The following TAF2 variants were observed in gnomAD, a reference collection of about 807,000 sequenced individuals.
TAF2 encodes transcription initiation factor TFIID subunit 2.
TAF2 carries 61 observed loss-of-function variants against 138.5 expected under a neutral mutation model. The ratio of observed to expected loss-of-function variants is 0.44; its 90% CI spans 0.36 to 0.54. The LOEUF is 0.54. Among genes scored for constraint, TAF2 ranks in the 20% least tolerant of loss-of-function variants. The pLI, the probability that TAF2 is intolerant of heterozygous loss-of-function variation, is 0.00. For missense variants in TAF2, 1,090 were observed against 1,427.9 expected (o/e 0.76, Z 3.81); for synonymous variants, 475 against 469.9 (o/e 1.01, Z -0.14).
chr8:119,809,523 T>A (rs921772223), intron 3 of TAF2, among the ~76,000 whole-genome samples: 1 of 152,232 alleles, frequency 6.6e-6, no homozygotes, highest in Non-Finnish European at 1.5e-5. Context: ...CTTAGCTAAC[T>A]GGGGCCAAGA....
chr8:119,791,801 A>C (rs1382570915), intron 10 of TAF2: 1 of 173,816 alleles, frequency 5.8e-6, no homozygotes, highest in East Asian at 1.5e-4. Flanking sequence ...AATATATTAA[A>C]GATTGATTAT....
At chr8:119,762,896 C>G (rs994147070) in intron 18 of TAF2, 2 of 223,282 alleles carry the variant, frequency 9.0e-6, no homozygotes, top group Admixed American at 5.3e-5. Context: ...GCCAGAGAAA[C>G]AGAAAAGAGA....
At position 119,731,557 on chromosome 8, in the gene TAF2, C is replaced by G. The variant is rs1398989915; in HGVS notation, c.*367G>C. On this transcript the variant is annotated 3_prime_UTR_variant, in exon 26 of 26. Coordinates refer to ENST00000378164, the MANE Select transcript of TAF2 (RefSeq NM_003184.4). ...TGCTTCTGTGTAAATCATAACTTTG[C>G]CCCATAACATCCACCAAAGGCTTTC... 2 of 273,872 alleles carry G rather than the reference C, an allele frequency of 7.3e-6. No homozygotes were observed. The highest frequency in any genetic ancestry group is 1.4e-5 in the Non-Finnish European group (2 of 140,922). 17.0% of individuals were successfully genotyped at this position (273,872 alleles called of 1,614,324 possible).
intron 2 of TAF2, among the ~76,000 whole-genome samples, chr8:119,828,359 G>C (rs765146507): frequency 6.6e-6 from 1 of 152,178 alleles, no homozygotes; most frequent in Non-Finnish European, 1.5e-5. Flanking sequence ...AGCAGAGAAA[G>C]GGGTCCTGTT....
intron 23 of TAF2, 80 bp downstream of exon 23, chr8:119,746,625 C>T (rs1819993358): frequency 6.3e-6 from 9 of 1,437,420 alleles, no homozygotes; most frequent in South Asian, 1.1e-5. Context: ...ATAAAATTCA[C>T]TAGTTCACAG....
In TAF2 at chr8:119,731,895, A is replaced by G. The variant is rs561617500; in HGVS notation, c.*29T>C. On this transcript the variant is annotated 3_prime_UTR_variant, in exon 26 of 26. Coordinates refer to ENST00000378164, the MANE Select transcript of TAF2 (RefSeq NM_003184.4). ...TTTAGTTACATACATTCTTCTGGAC[A>G]TGAAAGGAAAGGTCTTTTTGTCCCC... 8.7e-5 allele frequency: 139 copies of G among 1,603,078 alleles called. No individual in the cohort carries two copies. In the East Asian group the frequency reaches 2.7e-3, roughly 31 times the overall value.
chr8:119,788,761 T>C, intron 13 of TAF2, 29 bp downstream of exon 13: 1 of 1,507,776 alleles, frequency 6.6e-7, no homozygotes, highest in Non-Finnish European at 9.2e-7. Context: ...GAGATAGCAG[T>C]ACAAAGGCGA....
intron 16 of TAF2, among the ~76,000 whole-genome samples, chr8:119,782,853 T>G (rs372334305): frequency 1.4e-4 from 21 of 152,270 alleles, no homozygotes; most frequent in African/African-American, 2.9e-4. Flanking sequence ...AATCAATCAA[T>G]CAAGCACAGT....
intron 16 of TAF2, 31 bp downstream of exon 16, chr8:119,783,350 G>A: frequency 6.2e-7 from 1 of 1,609,110 alleles, no homozygotes; most frequent in South Asian, 1.1e-5. Context: ...ATATACAATA[G>A]TCATTTCCTT....
At chr8:119,791,025 C>T (rs1003496875) in intron 11 of TAF2, among the ~76,000 whole-genome samples, 1 of 151,898 alleles carries the variant, frequency 6.6e-6, no homozygotes, top group Non-Finnish European at 1.5e-5. Context: ...GGTCTCGAAC[C>T]CCTGGCCTCA....
intron 2 of TAF2, among the ~76,000 whole-genome samples, chr8:119,820,526 T>C (rs1428767803): frequency 6.6e-6 from 1 of 152,096 alleles, no homozygotes; most frequent in Non-Finnish European, 1.5e-5. Flanking sequence ...TACTGTACAG[T>C]ATTAAAAAGT....
At chr8:119,764,525 T>G (rs1821296147) in intron 18 of TAF2, among the ~76,000 whole-genome samples, 1 of 152,300 alleles carries the variant, frequency 6.6e-6, no homozygotes, top group East Asian at 1.9e-4. Flanking sequence ...AACATGGTAA[T>G]ACTAAAAACA....
intron 25 of TAF2, among the ~76,000 whole-genome samples, chr8:119,732,569 C>T (rs1192379184): frequency 1.3e-5 from 2 of 152,076 alleles, no homozygotes; most frequent in Non-Finnish European, 2.9e-5. Flanking sequence ...TTTGGGAGGC[C>T]AAGGCGGGTA....
At chr8:119,792,417 C>G (rs1484189276) in intron 10 of TAF2, among the ~76,000 whole-genome samples, 1 of 152,110 alleles carries the variant, frequency 6.6e-6, no homozygotes, top group Non-Finnish European at 1.5e-5. Flanking sequence ...TCCCAAAGTG[C>G]TGGGATTACA....
Position 119,744,380 on chromosome 8 carries a change from T to G in TAF2, c.3122A>C (p.Gln1041Pro). 6.2e-7 allele frequency: 1 copy of G among 1,613,414 alleles called. No homozygotes were observed. Among genetic ancestry groups the G allele is most frequent in the South Asian group, 1.1e-5 (1 of 91,068 alleles). Residue 1041 changes from glutamine (Q) to proline (P), a missense_variant, in exon 24 of 26, where the codon CAA becomes CCA. Gln to Pro is a moderately conservative substitution (Grantham distance 76, BLOSUM62 -1). Transcript: ENST00000378164. ...ATCCATATCAATCTCCTCCTCATCT[T>G]GAGAACTGGAAAACTAAAACACACA... ...VGFQNPFSSS[Q>P]DEEEIDMDTV...
chr8:119,745,321 T>C (rs1331078083), intron 23 of TAF2, among the ~76,000 whole-genome samples: 1 of 138,822 alleles, frequency 7.2e-6, no homozygotes, highest in Admixed American at 8.4e-5. Flanking sequence ...TTAACATATA[T>C]GAGCAAGAAT....
intron 24 of TAF2, 130 bp downstream of exon 24, chr8:119,744,158 A>C: frequency 1.1e-6 from 1 of 906,676 alleles, no homozygotes; most frequent in Non-Finnish European, 1.7e-6. Flanking sequence ...AATCTGCTAC[A>C]ATTTAATATT....
chr8:119,815,587 T>TA (rs1016285061), intron 3 of TAF2, among the ~76,000 whole-genome samples: 47 of 146,020 alleles, frequency 3.2e-4, no homozygotes, highest in East Asian at 1.2e-3. Context: ...GACTTGGTCT[T>TA]AAAAAAAAAA....
At chr8:119,787,262 G>A (rs1393796657) in intron 14 of TAF2, among the ~76,000 whole-genome samples, 2 of 152,056 alleles carry the variant, frequency 1.3e-5, no homozygotes, top group Non-Finnish European at 2.9e-5. Context: ...GCTAAATGAC[G>A]TGTTAATGGG....
Sources: allele counts gnomAD v4.1 joint callset (sites outside exome capture counted in the v4.1 genomes callset), GRCh38; gene constraint gnomAD v4.1.1; transcripts MANE v1.5; gene names NCBI Gene and HGNC (gene_info 2026-07-23, HGNC 2026-07-21).